CFAP70: variants seen among roughly 807,000 people sequenced by gnomAD.
CFAP70 encodes cilia and flagella associated protein 70.
Under a neutral mutation model 137.6 loss-of-function variants are expected in CFAP70, and 81 were observed. That is an observed-to-expected ratio of 0.59 (90% confidence interval 0.49 to 0.71). CFAP70 has a LOEUF of 0.71. Ranked by LOEUF, CFAP70 falls within the 30% of genes least tolerant of loss-of-function variation. The pLI is 0.00. For missense variants in CFAP70, 976 were observed against 1,226.7 expected, an observed-to-expected ratio of 0.80 and a Z score of 3.05; for synonymous variants, 382 against 423.6, an observed-to-expected ratio of 0.90 and a Z score of 1.20.
chr10:73,333,138 T>C (rs2052298220), intron 7 of CFAP70, among the ~76,000 whole-genome samples: 1 of 152,184 alleles, frequency 6.6e-6, no homozygotes, highest in Non-Finnish European at 1.5e-5. Context: ...ATTCATTTGA[T>C]GGGCTTATCA....
intron 9 of CFAP70, among the ~76,000 whole-genome samples, chr10:73,313,430 T>C (rs10159798): frequency 0.11 from 15,566 of 147,788 alleles, 1,184 homozygotes; most frequent in East Asian, 0.3. Context: ...GTGGTCCTAG[T>C]TACTGGGGAG....
exon 12 of CFAP70, chr10:73,310,233 CCTG>C (rs2049793717): frequency 1.9e-6 from 3 of 1,611,286 alleles, no homozygotes; most frequent in Non-Finnish European, 2.5e-6. Flanking sequence ...AATGTATGTC[CCTG>C]CTTCTACATA....
At chr10:73,296,825 T>C (rs2131959471) in intron 15 of CFAP70, 2 of 348,988 alleles carry the variant, frequency 5.7e-6, no homozygotes, top group Non-Finnish European at 1.0e-5. Flanking sequence ...TTTATTTTTC[T>C]AGGAAATTGA....
chr10:73,360,682 A>G (rs1171268916), upstream of CFAP70, among the ~76,000 whole-genome samples: 2 of 152,196 alleles, frequency 1.3e-5, no homozygotes, highest in African/African-American at 4.8e-5. Flanking sequence ...AGGTTCTCAA[A>G]ATAAAACTAC....
chr10:73,300,564 CA>C (rs1347851753), intron 12 of CFAP70, among the ~76,000 whole-genome samples: 1 of 152,044 alleles, frequency 6.6e-6, no homozygotes, highest in Non-Finnish European at 1.5e-5. Flanking sequence ...TTCATTCATT[CA>C]AAATAGATAC....
intron 3 of CFAP70, among the ~76,000 whole-genome samples, chr10:73,349,654 G>A (rs1340998195): frequency 6.6e-6 from 1 of 152,174 alleles, no homozygotes; most frequent in Non-Finnish European, 1.5e-5. Flanking sequence ...AGCATGCAGA[G>A]TATGTACAAG....
chr10:73,277,255 T>C, exon 21 of CFAP70: 1 of 1,613,946 alleles, frequency 6.2e-7, no homozygotes, highest in Non-Finnish European at 8.5e-7. Flanking sequence ...CAGCCTTGAC[T>C]TTCATCAAGA....
At position 73,278,305 on chromosome 10, in the gene CFAP70, A is replaced by C. The variant is rs145787613; in HGVS notation, c.2272T>G (p.Phe758Val). 261 of 1,613,996 alleles carry C rather than the reference A, an allele frequency of 1.6e-4. No individual in the cohort carries two copies. The African/African-American group carries it at 2.9e-3, about 18-fold the overall frequency. The change falls in exon 20 of 27, where the codon TTT becomes GTT. Residue 758 changes from phenylalanine (F) to valine (V), a missense_variant. Physicochemically the swap from Phe to Val is conservative, Grantham distance 50. Coordinates refer to ENST00000310715, the Ensembl canonical transcript of CFAP70. ...TGCAGTTTGGAGGATTCTTCAAGAA[A>C]TTTGTCTAGAATAGATAATGCAGCT...
intron 12 of CFAP70, among the ~76,000 whole-genome samples, chr10:73,304,085 T>C (rs920745024): frequency 3.9e-5 from 6 of 152,088 alleles, no homozygotes; most frequent in African/African-American, 1.4e-4. Flanking sequence ...ACAGAGTTTT[T>C]TGCTCTTGTC....
chr10:73,350,983 GTA>G (rs1272977646), intron 3 of CFAP70, among the ~76,000 whole-genome samples: 2 of 146,558 alleles, frequency 1.4e-5, no homozygotes, highest in African/African-American at 5.1e-5. Flanking sequence ...ATGTGTGTGT[GTA>G]TATATATGTG....
chr10:73,300,520 C>G (rs2131992539), intron 12 of CFAP70, among the ~76,000 whole-genome samples: 1 of 152,168 alleles, frequency 6.6e-6, no homozygotes, highest in Non-Finnish European at 1.5e-5. Flanking sequence ...CCTTATTGCC[C>G]AGCCTCCTAG....
intron 24 of CFAP70, 60 bp from the exon 26 acceptor site, chr10:73,269,775 A>C: frequency 1.0e-6 from 1 of 980,208 alleles, no homozygotes; most frequent in Non-Finnish European, 1.6e-6. Flanking sequence ...TCCCAATAAT[A>C]CTGGTGTATA....
intron 24 of CFAP70, among the ~76,000 whole-genome samples, chr10:73,271,465 T>G (rs2046308134): frequency 6.6e-6 from 1 of 152,154 alleles, no homozygotes; most frequent in Non-Finnish European, 1.5e-5. Context: ...TGAGCCAAGA[T>G]GGCGCCACTG....
intron 9 of CFAP70, among the ~76,000 whole-genome samples, chr10:73,321,774 T>C (rs2050873973): frequency 1.3e-5 from 2 of 152,090 alleles, no homozygotes; most frequent in South Asian, 2.1e-4. Flanking sequence ...ACAGACTTTT[T>C]TTTTCTTTTT....
intron 21 of CFAP70, 92 bp downstream of exon 22, chr10:73,277,148 C>T: frequency 1.4e-6 from 2 of 1,431,644 alleles, no homozygotes; most frequent in South Asian, 1.5e-5. Flanking sequence ...TTCTGTTTCA[C>T]AAATATGGAA....
Position 73,291,346 on chromosome 10 carries a change from T to C in CFAP70, c.2119A>G (p.Thr707Ala), listed in dbSNP as rs933273428. The change falls in exon 19 of 27, where the codon ACA becomes GCA. Residue 707 changes from threonine (T) to alanine (A), a missense_variant. Physicochemically the swap from Thr to Ala is moderately conservative, Grantham distance 58. Coordinates refer to ENST00000310715, the Ensembl canonical transcript of CFAP70. ...TCTACACCAGTGCTCTTTTGCTTTG[T>C]TACTTGTGCCTGAAGCATCCGTGCC... The C allele has an allele frequency of 1.9e-6, 3 of 1,614,246 alleles. No individual in the cohort carries two copies. Among genetic ancestry groups the C allele is most frequent in the Non-Finnish European group, 1.7e-6 (2 of 1,180,042 alleles).
intron 19 of CFAP70, among the ~76,000 whole-genome samples, chr10:73,283,991 T>TAGA (rs1345111781): frequency 6.6e-6 from 1 of 152,250 alleles, no homozygotes; most frequent in African/African-American, 2.4e-5. Context: ...TATGTTAGTT[T>TAGA]CCTATTGCTG....
intron 19 of CFAP70, among the ~76,000 whole-genome samples, chr10:73,284,274 G>A (rs999110130): frequency 1.3e-5 from 2 of 151,882 alleles, no homozygotes; most frequent in African/African-American, 2.4e-5. Flanking sequence ...CTCTGATTCC[G>A]TTATCACATT....
intron 14 of CFAP70, among the ~76,000 whole-genome samples, chr10:73,297,635 T>C (rs1260972136): frequency 2.6e-5 from 4 of 152,166 alleles, no homozygotes; most frequent in Non-Finnish European, 2.9e-5. Context: ...GTAGTTCTGG[T>C]ATTATTATTT....
Sources: allele counts gnomAD v4.1 joint callset (sites outside exome capture counted in the v4.1 genomes callset), GRCh38; gene constraint gnomAD v4.1.1; transcripts MANE v1.5; gene names NCBI Gene and HGNC (gene_info 2026-07-23, HGNC 2026-07-21).